Variants in NPAS2 observed in about 807,000 individuals in gnomAD.
NPAS2 encodes neuronal PAS domain protein 2.
NPAS2 carries 23 observed loss-of-function variants against 107.5 expected under a neutral mutation model. The ratio of observed to expected loss-of-function variants is 0.21; its 90% confidence interval spans 0.15 to 0.30. The LOEUF is 0.30. NPAS2 is among the 10% of genes least tolerant of loss of function. NPAS2 has a pLI of 1.00. For missense variants in NPAS2, 756 were observed against 1,043.3 expected (o/e 0.72, Z 3.79); for synonymous variants, 403 against 417.5 (o/e 0.97, Z 0.42).
At chr2:100,981,208 A>G (rs1338529404) in intron 15 of NPAS2, among the ~76,000 whole-genome samples, 1 of 152,204 alleles carries the variant, frequency 6.6e-6, no homozygotes, top group African/African-American at 2.4e-5. Context: ...AGGAAAAGAG[A>G]GAGGCCCTGG....
intron 1 of NPAS2, among the ~76,000 whole-genome samples, chr2:100,884,183 C>A (rs760062536): frequency 1.3e-5 from 2 of 152,076 alleles, no homozygotes; most frequent in African/African-American, 2.4e-5. Flanking sequence ...TTGTGTGAAA[C>A]CCCTATATTT....
rs1218208977 is a variant in NPAS2, at chr2:100,820,447, C to T, written c.-23+33C>T. ...GCCGCGCCTAGGGGCGCGGGGGACC[C>T]AGGGTGGGTAGTACGTGCGCGCGGG... On this transcript the variant is annotated intron_variant, in intron 1 of 20. Coordinates refer to ENST00000335681, the MANE Select transcript of NPAS2 (RefSeq NM_002518.4). The surrounding 1 kb of genome is among the most constrained non-coding windows in gnomAD (Gnocchi z 5.6). 1 of 150,634 alleles carries T rather than the reference C, an allele frequency of 6.6e-6. No homozygotes were observed. Among genetic ancestry groups the T allele is most frequent in the African/African-American group, 2.4e-5 (1 of 41,084 alleles). The allele number at this position is 150,634 out of a possible 1,614,324, so 9.3% of individuals were successfully genotyped here. A position where few individuals can be genotyped will look rare whatever the true frequency, so the allele number is the denominator to read the frequency against.
intron 1 of NPAS2, among the ~76,000 whole-genome samples, chr2:100,822,212 A>G (rs1249456873): frequency 1.3e-5 from 2 of 152,228 alleles, no homozygotes; most frequent in Non-Finnish European, 2.9e-5. Flanking sequence ...GTTATTAATA[A>G]AACGTTACCC....
Position 100,995,809 on chromosome 2 carries a change from C to T in NPAS2, c.*227C>T. 6.5e-7 allele frequency: 1 copy of T among 1,545,192 alleles called. No individual in the cohort carries two copies. The highest frequency in any genetic ancestry group is 8.7e-7 in the Non-Finnish European group (1 of 1,144,010). On this transcript the variant is annotated 3_prime_UTR_variant, in exon 21 of 21. Transcript: ENST00000335681. Reference sequence around the variant, plus strand: ...CTTGCCTCCGAGGTTCTTGGGCACACTCTATAGCCATACTGGACAGGAACC... The same window carrying T: ...CTTGCCTCCGAGGTTCTTGGGCACATTCTATAGCCATACTGGACAGGAACC...
chr2:100,837,630 A>G (rs1026032924), intron 1 of NPAS2, among the ~76,000 whole-genome samples: 1 of 152,186 alleles, frequency 6.6e-6, no homozygotes, highest in African/African-American at 2.4e-5. Context: ...CCATTTTTAG[A>G]CACACAGTTT....
At chr2:100,821,849 C>T (rs780898585) in intron 1 of NPAS2, among the ~76,000 whole-genome samples, 5 of 152,206 alleles carry the variant, frequency 3.3e-5, no homozygotes, top group Non-Finnish European at 5.9e-5. Flanking sequence ...GTTATCCTGA[C>T]CTGCGCCACT....
At chr2:100,957,961 A>T (rs544472463) in intron 7 of NPAS2, among the ~76,000 whole-genome samples, 2 of 152,204 alleles carry the variant, frequency 1.3e-5, no homozygotes, top group Non-Finnish European at 2.9e-5. Flanking sequence ...CGGGGTCCTA[A>T]TATGCAGGCT....
chr2:100,959,067 A>G (rs1675751652), intron 7 of NPAS2, among the ~76,000 whole-genome samples: 1 of 147,800 alleles, frequency 6.8e-6, no homozygotes, highest in South Asian at 2.2e-4. Context: ...AGCCTGGGCA[A>G]CATGGTGAAA....
chr2:100,850,553 T>C (rs964642127), intron 1 of NPAS2, among the ~76,000 whole-genome samples: 1 of 152,182 alleles, frequency 6.6e-6, no homozygotes, highest in East Asian at 1.9e-4. Flanking sequence ...CATACCAACA[T>C]TATTCTCAGT....
At chr2:100,933,430 T>C (rs898369052) in intron 4 of NPAS2, among the ~76,000 whole-genome samples, 4 of 152,214 alleles carry the variant, frequency 2.6e-5, no homozygotes, top group Non-Finnish European at 4.4e-5. Context: ...AATTAAAAAT[T>C]GTCTTTTTAA....
At chr2:100,944,694 G>T (rs1333928985) in intron 5 of NPAS2, among the ~76,000 whole-genome samples, 2 of 152,182 alleles carry the variant, frequency 1.3e-5, no homozygotes, top group African/African-American at 4.8e-5. Context: ...GCAAATACAT[G>T]CAAGAGCCAA....
At position 100,952,822 on chromosome 2, in the gene NPAS2, C is replaced by T. The variant is rs73945846; in HGVS notation, c.598+3342C>T. On this transcript the variant is annotated intron_variant, in intron 7 of 20. Transcript: ENST00000335681. The stretch of plus-strand genomic sequence containing the variant: ...ATGGGTTGAGATAGTGTTTGTTTGC[C>T]TGAAAGAATGTGTGGAAATTATGTG... 5.4e-3 allele frequency among the ~76,000 whole-genome samples: 810 copies of T among 148,756 alleles called. 4 individuals carry two copies. Among genetic ancestry groups the T allele is most frequent in the African/African-American group, 0.019 (754 of 40,368 alleles).
In NPAS2 at chr2:100,878,207, C is replaced by T. The variant is rs151086272; in HGVS notation, c.-22-26526C>T. On this transcript the variant is annotated intron_variant, in intron 1 of 20. Transcript: ENST00000335681. ...GTGCAAGGAGCAGTGGCCCTGGCTC[C>T]AGATGCTAGGGAAAGCTGGGCAGAA... 8.0e-3 allele frequency: 7,877 copies of T among 985,346 alleles called. 42 individuals are homozygous for T. Among genetic ancestry groups the T allele is most frequent in the Middle Eastern group, 0.036 (68 of 1,914 alleles). 61.0% of individuals were successfully genotyped at this position (985,346 alleles called of 1,614,324 possible).
chr2:100,844,420 T>C (rs1677642452), intron 1 of NPAS2, among the ~76,000 whole-genome samples: 1 of 152,178 alleles, frequency 6.6e-6, no homozygotes, highest in Non-Finnish European at 1.5e-5. Flanking sequence ...TATACATAAA[T>C]GTTACAGAAA....
intron 1 of NPAS2, among the ~76,000 whole-genome samples, chr2:100,872,250 T>A (rs186763384): frequency 6.6e-6 from 1 of 152,292 alleles, no homozygotes; most frequent in African/African-American, 2.4e-5. Flanking sequence ...GACTGCTTAG[T>A]TGGGAATCCT....
At chr2:100,858,507 G>A (rs1678724596) in intron 1 of NPAS2, among the ~76,000 whole-genome samples, 1 of 152,170 alleles carries the variant, frequency 6.6e-6, no homozygotes, top group South Asian at 2.1e-4. Flanking sequence ...TCTGTTTCCA[G>A]TGGTCTCTGT....
rs1468417241 is a variant in NPAS2, at chr2:100,841,318, A to C, written c.-23+20904A>C. Among the ~76,000 whole-genome samples, 6 of 152,094 alleles carry C rather than the reference A, an allele frequency of 3.9e-5. No homozygotes were observed. The South Asian group carries it at 1.2e-3, about 32-fold the overall frequency. ...CCAGGCATGGTGGCAGGCGCCTATA[A>C]TCCCAGCTACTTTGGAGACTGAGGC... On this transcript the variant is annotated intron_variant, in intron 1 of 20. Transcript: ENST00000335681.
At chr2:100,929,244 A>G (rs1231800814) in intron 3 of NPAS2, among the ~76,000 whole-genome samples, 23 of 152,166 alleles carry the variant, frequency 1.5e-4, no homozygotes, top group Admixed American at 1.5e-3. Context: ...CACAGATGAG[A>G]CACACAAGGT....
chr2:100,921,492 T>C (rs1309787585), intron 2 of NPAS2, among the ~76,000 whole-genome samples: 1 of 152,170 alleles, frequency 6.6e-6, no homozygotes, highest in East Asian at 1.9e-4. Flanking sequence ...TCAATATCCA[T>C]GTATATTTAA....
Sources: allele counts gnomAD v4.1 joint callset (sites outside exome capture counted in the v4.1 genomes callset), GRCh38; gene constraint gnomAD v4.1.1; non-coding constraint Gnocchi (gnomAD v3.1); transcripts MANE v1.5; gene names NCBI Gene and HGNC (gene_info 2026-07-23, HGNC 2026-07-21).